The following ZNF114 variants were observed in gnomAD, a reference collection of about 807,000 sequenced individuals.
The protein encoded by ZNF114 is zinc finger protein 114.
ZNF114 carries 8 observed loss-of-function variants against 6.8 expected under a neutral mutation model. The ratio of observed to expected loss-of-function variants is 1.18; its 90% CI spans 0.69 to 2.13. The LOEUF (loss-of-function observed/expected upper bound fraction) is 2.13. Ranked by LOEUF, ZNF114 falls within the 30% of genes most tolerant of loss-of-function variation. ZNF114 has a pLI of 0.00. For missense variants in ZNF114, 472 were observed against 519.5 expected (o/e 0.91, Z 0.89); for synonymous variants, 169 against 185.5 (o/e 0.91, Z 0.72).
chr19:48,272,677 A>AAAAAAAAAAAAAAAAC (rs1410621268), intron 3 of ZNF114, among the ~76,000 whole-genome samples: 1 of 129,740 alleles, frequency 7.7e-6, no homozygotes, highest in African/African-American at 3.4e-5. Context: ...CTCTCTCAAA[A>AAAAAAAAAAAAAAAAC]AAAAAAAAAA....
At chr19:48,285,607 G>C (rs1968098047) in intron 5 of ZNF114, among the ~76,000 whole-genome samples, 154 bp from the exon 6 acceptor site, 1 of 149,582 alleles carries the variant, frequency 6.7e-6, no homozygotes, top group East Asian at 2.0e-4. Flanking sequence ...AAGGAAGGAA[G>C]GAAGGAAGAA....
intron 3 of ZNF114, among the ~76,000 whole-genome samples, chr19:48,278,054 G>C (rs921330931): frequency 4.6e-5 from 7 of 151,908 alleles, no homozygotes; most frequent in African/African-American, 1.7e-4. Flanking sequence ...CCTGCCTTCA[G>C]CCTCCCAAGT....
chr19:48,270,388 T>C (rs2147276401), intron 1 of ZNF114, among the ~76,000 whole-genome samples, 169 bp downstream of exon 1: 1 of 111,694 alleles, frequency 9.0e-6, no homozygotes, highest in South Asian at 3.0e-4. Flanking sequence ...CAAGAACTTG[T>C]CTCAGAAAAA....
Position 48,285,915 on chromosome 19 carries a change from A to C in ZNF114, c.291A>C (p.Glu97Asp), listed in dbSNP as rs1968113527. ...REDWRCPKTEEPHRQGVNNVK... is the reference protein window; with the variant it reads ...REDWRCPKTEDPHRQGVNNVK... ...ACTGGAGATGCCCCAAAACAGAGGA[A>C]CCACACAGGCAGGGGGTGAATAATG... Residue 97 changes from glutamate to aspartate, a missense_variant, in exon 6 of 6, where the codon GAA becomes GAC. Glu to Asp is a conservative substitution (Grantham distance 45, BLOSUM62 2). Coordinates refer to ENST00000595607, the MANE Select transcript of ZNF114 (RefSeq NM_153608.4). The C allele has an allele frequency of 5.0e-6, 8 of 1,614,150 alleles. No individual in the cohort carries two copies. In the East Asian group the frequency reaches 1.8e-4, roughly 36 times the overall value.
intron 3 of ZNF114, among the ~76,000 whole-genome samples, chr19:48,274,500 ATATATATT>A (rs1421598208): frequency 1.4e-5 from 1 of 73,536 alleles, no homozygotes; most frequent in Non-Finnish European, 2.8e-5. Context: ...ATATATATAT[ATATATATT>A]TTTTTTTTTT....
At chr19:48,272,059 G>A (rs1210381448) in intron 3 of ZNF114, among the ~76,000 whole-genome samples, 1 of 152,228 alleles carries the variant, frequency 6.6e-6, no homozygotes, top group Non-Finnish European at 1.5e-5. Flanking sequence ...CCCGGGCTTG[G>A]GCAGCAGAGA....
At chr19:48,282,138 T>C in intron 4 of ZNF114, 2 of 356,934 alleles carry the variant, frequency 5.6e-6, no homozygotes, top group Non-Finnish European at 5.1e-6. Context: ...GACCTTGTGA[T>C]CCACCTGCCT....
intron 4 of ZNF114, among the ~76,000 whole-genome samples, chr19:48,281,894 C>CTTTTT (rs869238604): frequency 1.7e-4 from 15 of 90,514 alleles, no homozygotes; most frequent in Admixed American, 3.0e-4. Flanking sequence ...ACAACCTCAT[C>CTTTTT]TTTTTTTTTT....
chr19:48,282,045 GCCA>G (rs71334284), intron 4 of ZNF114: 7,504 of 224,276 alleles, frequency 0.033, 255 homozygotes, highest in Middle Eastern at 0.11. Context: ...AAAGGCACCC[GCCA>G]CCACCATGCC....
At chr19:48,273,539 T>C (rs1967735410) in intron 3 of ZNF114, among the ~76,000 whole-genome samples, 1 of 151,668 alleles carries the variant, frequency 6.6e-6, no homozygotes, top group South Asian at 2.1e-4. Flanking sequence ...GAAACTTAAA[T>C]TGAAATAGGC....
At chr19:48,284,312 A>G (rs993609921) in intron 5 of ZNF114, among the ~76,000 whole-genome samples, 2 of 152,168 alleles carry the variant, frequency 1.3e-5, no homozygotes. Flanking sequence ...CTGTAATCCT[A>G]GCACTTTGGG....
chr19:48,272,528 A>G (rs955806724), intron 3 of ZNF114, among the ~76,000 whole-genome samples: 1 of 145,898 alleles, frequency 6.9e-6, no homozygotes, highest in Non-Finnish European at 1.5e-5. Context: ...TGGGAGGTGG[A>G]GATTGCAGTG....
chr19:48,286,582 AT>A lies in ZNF114; in HGVS notation c.959del (p.Met320ArgfsTer4). 1 of 1,614,124 alleles carries A rather than the reference AT, an allele frequency of 6.2e-7. No individual in the cohort carries two copies. The highest frequency in any genetic ancestry group is 1.1e-5 in the South Asian group (1 of 91,084). On this transcript the variant is annotated frameshift_variant, in exon 6 of 6. Coordinates refer to ENST00000595607, the MANE Select transcript of ZNF114 (RefSeq NM_153608.4). LOFTEE classifies it low-confidence loss of function (END_TRUNC). Reference protein sequence around the residue: ...GRAFFYQSFLMRHMKIHTGEK... With the variant: ...GRAFFYQSFLXRHMKIHTGEK... ...AGCCTTTTTTTATCAGTCATTCCTT[AT>A]GAGACATATGAAAATTCACACTGGA...
chr19:48,283,048 C>A (rs1968033538), intron 5 of ZNF114, among the ~76,000 whole-genome samples: 1 of 152,024 alleles, frequency 6.6e-6, no homozygotes, highest in African/African-American at 2.4e-5. Context: ...TGGGGTCTCA[C>A]CCTGTCACCC....
chr19:48,286,389 C>T lies in ZNF114; in HGVS notation c.765C>T (p.Asn255=), dbSNP rs1206345127. The T allele has an allele frequency of 6.2e-7, 1 of 1,614,220 alleles. No homozygotes were observed. Among genetic ancestry groups the T allele is most frequent in the South Asian group, 1.1e-5 (1 of 91,082 alleles). The change falls in exon 6 of 6, where the codon AAC becomes AAT. Residue 255 remains asparagine (N), a synonymous_variant. Transcript: ENST00000595607. ...TGTATGATTTTACTCAGTGCGAGAACACCTCCAGAAATAACTCAATTCACG... is the reference window on the plus strand; with the variant it reads ...TGTATGATTTTACTCAGTGCGAGAATACCTCCAGAAATAACTCAATTCACG... ...EKMYDFTQCE[N]TSRNNSIHAM...
At chr19:48,282,918 G>A (rs542726998) in intron 5 of ZNF114, among the ~76,000 whole-genome samples, 5 of 151,914 alleles carry the variant, frequency 3.3e-5, no homozygotes, top group African/African-American at 7.3e-5. Flanking sequence ...ATTTCACCAC[G>A]TTGGCTAGGC....
chr19:48,277,795 GTGTGTGTGT>G (rs1389105875), intron 3 of ZNF114, among the ~76,000 whole-genome samples: 42 of 24,702 alleles, frequency 1.7e-3, no homozygotes, highest in African/African-American at 3.1e-3. Context: ...GAGGCATTGG[GTGTGTGTGT>G]GTGTGTGTGT....
At chr19:48,282,349 C>CA in intron 4 of ZNF114, 22 bp from the exon 5 acceptor site, 1 of 1,611,038 alleles carries the variant, frequency 6.2e-7, no homozygotes, top group Middle Eastern at 1.7e-4. Flanking sequence ...CCCTCCGAGC[C>CA]AAACTGCATG....
At position 48,286,641 on chromosome 19, in the gene ZNF114, A is replaced by G; in HGVS notation, c.1017A>G (p.Lys339=). 6.2e-7 allele frequency: 1 copy of G among 1,613,880 alleles called. No individual in the cohort carries two copies. The highest frequency in any genetic ancestry group is 8.5e-7 in the Non-Finnish European group (1 of 1,179,988). The change falls in exon 6 of 6, where the codon AAA becomes AAG. Residue 339 remains lysine (K), a synonymous_variant. Coordinates refer to ENST00000595607, the MANE Select transcript of ZNF114 (RefSeq NM_153608.4). ...EKPYECGKCG[K]AFRYSLHLNK... Reference sequence around the variant, plus strand: ...CGTATGAATGTGGGAAATGTGGGAAAGCCTTTAGATATTCCTTACACCTTA... The same window carrying G: ...CGTATGAATGTGGGAAATGTGGGAAGGCCTTTAGATATTCCTTACACCTTA...
Sources: allele counts gnomAD v4.1 joint callset (sites outside exome capture counted in the v4.1 genomes callset), GRCh38; gene constraint gnomAD v4.1.1; transcripts MANE v1.5; gene names NCBI Gene and HGNC (gene_info 2026-07-23, HGNC 2026-07-21).